SUCLG2: variants seen among roughly 807,000 people sequenced by gnomAD.
The protein encoded by SUCLG2 is succinate--CoA ligase [GDP-forming] subunit beta, mitochondrial.
Under a neutral mutation model 47.9 loss-of-function variants are expected in SUCLG2, and 42 were observed. The observed-to-expected ratio is 0.88, with a 90% CI of 0.69 to 1.14. SUCLG2 has a LOEUF of 1.14. SUCLG2 is among the 50% of genes most tolerant of loss of function. The pLI, the probability that SUCLG2 is intolerant of heterozygous loss-of-function variation, is 0.00. For missense variants in SUCLG2, 571 were observed against 525.9 expected, an observed-to-expected ratio of 1.09 and a Z score of -0.84; for synonymous variants, 195 against 197.3, an observed-to-expected ratio of 0.99 and a Z score of 0.10.
At chr3:67,495,763 C>G in intron 9 of SUCLG2, 35 bp downstream of exon 9, 2 of 1,602,650 alleles carry the variant, frequency 1.2e-6, no homozygotes, top group Non-Finnish European at 8.5e-7. Flanking sequence ...GAAATTAAAA[C>G]TGGCATATAA....
intron 2 of SUCLG2, among the ~76,000 whole-genome samples, chr3:67,587,013 T>C (rs1708039241): frequency 6.6e-6 from 1 of 152,150 alleles, no homozygotes; most frequent in Non-Finnish European, 1.5e-5. Context: ...TATTAATGTA[T>C]CCAGTCTTGA....
intron 9 of SUCLG2, among the ~76,000 whole-genome samples, chr3:67,402,309 G>GCAGGTTACCTAGAGA (rs1702701678): frequency 1.3e-5 from 2 of 151,898 alleles, no homozygotes; most frequent in African/African-American, 4.8e-5. Context: ...GATGAAAGTG[G>GCAGGTTACCTAGAGA]GCAAGTAAGA....
At chr3:67,404,495 G>A (rs1702758586) in intron 9 of SUCLG2, among the ~76,000 whole-genome samples, 1 of 152,106 alleles carries the variant, frequency 6.6e-6, no homozygotes, top group East Asian at 1.9e-4. Flanking sequence ...CAAAGCAATT[G>A]AGATTTCTAC....
chr3:67,446,580 C>A (rs1703932423), intron 9 of SUCLG2, among the ~76,000 whole-genome samples: 1 of 151,064 alleles, frequency 6.6e-6, no homozygotes, highest in Admixed American at 6.6e-5. Context: ...CAGGCGCCTG[C>A]CACCACGCCT....
intron 9 of SUCLG2, among the ~76,000 whole-genome samples, chr3:67,479,484 T>C (rs181396213): frequency 2.8e-4 from 43 of 152,346 alleles, no homozygotes; most frequent in Admixed American, 2.2e-3. Context: ...ATCACGATGT[T>C]TGTCAAATAC....
chr3:67,596,525 T>G (rs1446258029), intron 2 of SUCLG2, among the ~76,000 whole-genome samples: 1 of 152,166 alleles, frequency 6.6e-6, no homozygotes, highest in Non-Finnish European at 1.5e-5. Flanking sequence ...TACAGTGGAA[T>G]AGGCATCCCT....
chr3:67,400,650 G>C, intron 10 of SUCLG2, 81 bp downstream of exon 10: 1 of 1,560,356 alleles, frequency 6.4e-7, no homozygotes, highest in Non-Finnish European at 8.7e-7. Flanking sequence ...GTTATCTCAG[G>C]AAGTTTGTGA....
intron 9 of SUCLG2, among the ~76,000 whole-genome samples, chr3:67,492,813 C>A (rs889832663): frequency 6.6e-6 from 1 of 152,052 alleles, no homozygotes; most frequent in African/African-American, 2.4e-5. Flanking sequence ...GTGTTAGGTC[C>A]AAGTGAAAAT....
intron 2 of SUCLG2, among the ~76,000 whole-genome samples, chr3:67,567,247 T>C (rs568115025): frequency 1.3e-4 from 19 of 151,412 alleles, no homozygotes; most frequent in Non-Finnish European, 2.5e-4. Flanking sequence ...CTTTTAAATA[T>C]AAAGTAATGC....
At chr3:67,507,774 A>G (rs1044929495) in intron 7 of SUCLG2, among the ~76,000 whole-genome samples, 13 of 152,236 alleles carry the variant, frequency 8.5e-5, no homozygotes, top group Admixed American at 5.9e-4. Flanking sequence ...TAACAATTCA[A>G]TGCAAATTAC....
At chr3:67,483,914 G>A (rs1704982245) in intron 9 of SUCLG2, among the ~76,000 whole-genome samples, 1 of 152,168 alleles carries the variant, frequency 6.6e-6, no homozygotes, top group Non-Finnish European at 1.5e-5. Flanking sequence ...TATCTGCCTG[G>A]TACTTGAGTC....
At chr3:67,601,119 A>C (rs1161738266) in intron 2 of SUCLG2, among the ~76,000 whole-genome samples, 1 of 152,208 alleles carries the variant, frequency 6.6e-6, no homozygotes, top group Non-Finnish European at 1.5e-5. Flanking sequence ...ATAATATAGA[A>C]TTTTAAAACA....
intron 9 of SUCLG2, among the ~76,000 whole-genome samples, chr3:67,467,878 A>G (rs1300148544): frequency 6.6e-6 from 1 of 152,164 alleles, no homozygotes; most frequent in Non-Finnish European, 1.5e-5. Flanking sequence ...GGGAATTCCA[A>G]TCAAGGCTTA....
chr3:67,613,992 G>A (rs1412600638), intron 1 of SUCLG2, among the ~76,000 whole-genome samples: 1 of 152,196 alleles, frequency 6.6e-6, no homozygotes, highest in African/African-American at 2.4e-5. Context: ...CTTTGGGAGG[G>A]AGGGAGGTGG....
At chr3:67,580,455 G>C (rs1004092836) in intron 2 of SUCLG2, among the ~76,000 whole-genome samples, 11 of 151,968 alleles carry the variant, frequency 7.2e-5, no homozygotes, top group African/African-American at 2.7e-4. Context: ...ATTAAATTGA[G>C]GAAAAGAGTG....
At position 67,375,731 on chromosome 3, in the gene SUCLG2, C is replaced by T. The variant is rs750872073; in HGVS notation, c.*13G>A. ...AAATGGCTTTCTTTCTCCATTGGAT[C>T]AGGACAAAGACATCACTTCTTGGCC... is the stretch of plus-strand genomic sequence containing the variant. On this transcript the variant is annotated 3_prime_UTR_variant, in exon 11 of 11. Transcript: ENST00000307227. 3.7e-6 allele frequency: 6 copies of T among 1,605,830 alleles called. No individual in the cohort carries two copies. Among genetic ancestry groups the T allele is most frequent in the African/African-American group, 2.7e-5 (2 of 74,688 alleles).
chr3:67,572,457 T>C (rs1008412476), intron 2 of SUCLG2, among the ~76,000 whole-genome samples: 5 of 152,220 alleles, frequency 3.3e-5, no homozygotes, highest in African/African-American at 9.6e-5. Flanking sequence ...TACTAATTTC[T>C]GCTTGAGCTT....
At chr3:67,645,885 T>C (rs1198244865) in intron 1 of SUCLG2, among the ~76,000 whole-genome samples, 1 of 150,108 alleles carries the variant, frequency 6.7e-6, no homozygotes, top group African/African-American at 2.5e-5. Flanking sequence ...CAACAACAGG[T>C]AAGAGAGTAC....
intron 4 of SUCLG2, 77 bp downstream of exon 4, chr3:67,528,055 T>C (rs1380692783): frequency 3.0e-5 from 39 of 1,299,140 alleles, no homozygotes; most frequent in Non-Finnish European, 4.1e-5. Context: ...CATTAGATTC[T>C]GTCAAAAACT....
Sources: gnomAD v4.1 joint callset for allele counts (sites outside exome capture counted in the v4.1 genomes callset) on GRCh38, gnomAD v4.1.1 for gene constraint, MANE v1.5 for transcripts, NCBI Gene and HGNC (gene_info 2026-07-23, HGNC 2026-07-21) for gene names.